ATP7B: variants seen among roughly 807,000 people sequenced by gnomAD.
ATP7B encodes ATPase copper transporting beta.
Under a neutral mutation model 118.9 loss-of-function variants are expected in ATP7B, and 113 were observed. That is an observed-to-expected ratio of 0.95 (90% CI 0.82 to 1.11). ATP7B has a LOEUF of 1.11. Among genes scored for constraint, ATP7B ranks in the 50% most tolerant of loss-of-function variants. ATP7B has a pLI of 0.00. For missense variants in ATP7B, 1,867 were observed against 1,871.4 expected (o/e 1.00, Z 0.04); for synonymous variants, 777 against 727.4 (o/e 1.07, Z -1.10).
At chr13:51,973,862 C>T (rs966534379) in intron 2 of ATP7B, 73 bp downstream of exon 2, 1 of 1,605,972 alleles carries the variant, frequency 6.2e-7, no homozygotes, top group Non-Finnish European at 8.5e-7. Flanking sequence ...TCACCTATAC[C>T]ACCATCCAGG....
At chr13:51,945,815 G>C (rs974770927) in intron 13 of ATP7B, among the ~76,000 whole-genome samples, 1 of 152,180 alleles carries the variant, frequency 6.6e-6, no homozygotes, top group Non-Finnish European at 1.5e-5. Context: ...CCAGAGGTTA[G>C]TAAGTTGGGC....
At chr13:51,966,669 G>A (rs1401037025) in intron 4 of ATP7B, 4 of 1,236,402 alleles carry the variant, frequency 3.2e-6, no homozygotes, top group Non-Finnish European at 4.6e-6. Context: ...TTTAAAAAAA[G>A]AACACTACAG....
At chr13:51,967,027 C>T in intron 4 of ATP7B, 2 of 1,611,756 alleles carry the variant, frequency 1.2e-6, no homozygotes, top group Admixed American at 3.3e-5. Context: ...TGCATTGGTT[C>T]AGCATCAGGA....
chr13:51,942,538 G>T lies in ATP7B; in HGVS notation c.3260C>A (p.Thr1087Asn). The change falls in exon 15 of 21, where the codon ACC becomes AAC. Residue 1087 changes from threonine to asparagine, a missense_variant. By Grantham distance (65) the Thr-to-Asn change is moderately conservative. Coordinates refer to ENST00000242839, the MANE Select transcript of ATP7B (RefSeq NM_000053.4). ...KYCKEELGTE[T>N]LGYCTDFQAV... ...CTGGAAGTCCGTGCAGTATCCCAAG[G>T]TCTCTGTTCCAAGTTCCTGGGAAGG... The T allele has an allele frequency of 1.1e-5, 17 of 1,614,136 alleles. No individual in the cohort carries two copies. Among genetic ancestry groups the T allele is most frequent in the Non-Finnish European group, 1.4e-5 (16 of 1,180,030 alleles).
At chr13:51,971,253 G>A (rs1780941344) in intron 2 of ATP7B, among the ~76,000 whole-genome samples, 1 of 152,164 alleles carries the variant, frequency 6.6e-6, no homozygotes, top group South Asian at 2.1e-4. Context: ...TTGATTCTCA[G>A]ACAAACAACA....
chr13:51,966,641 T>C (rs768691896), intron 4 of ATP7B: 154 of 931,834 alleles, frequency 1.7e-4, no homozygotes, highest in Non-Finnish European at 2.2e-4. Context: ...AATGCAACTA[T>C]TGATACAGCA....
At position 51,974,413 on chromosome 13, in the gene ATP7B, C is replaced by G; in HGVS notation, c.807G>C (p.Lys269Asn). Residue 269 changes from lysine (K) to asparagine (N), a missense_variant, in exon 2 of 21, where the codon AAG becomes AAC. Coordinates refer to ENST00000242839, the MANE Select transcript of ATP7B (RefSeq NM_000053.4). ...LQLRIDGMHC[K>N]SCVLNIEENI... Reference sequence around the variant, plus strand: ...TTTCTTCAATATTCAAGACGCAAGACTTACAATGCATTCCATCTATTCTCA... The same window carrying G: ...TTTCTTCAATATTCAAGACGCAAGAGTTACAATGCATTCCATCTATTCTCA... 6.2e-7 allele frequency: 1 copy of G among 1,614,014 alleles called. No individual in the cohort carries two copies. The highest frequency in any genetic ancestry group is 8.5e-7 in the Non-Finnish European group (1 of 1,180,024).
upstream of ATP7B, chr13:52,011,585 C>G (rs1954040421): frequency 1.6e-6 from 1 of 610,828 alleles, no homozygotes; most frequent in African/African-American, 1.8e-5. Flanking sequence ...CCTGGGGGCA[C>G]GGGGATGAGA....
intron 1 of ATP7B, among the ~76,000 whole-genome samples, chr13:52,010,714 T>A (rs1295620071): frequency 4.6e-5 from 7 of 152,242 alleles, no homozygotes; most frequent in African/African-American, 1.7e-4. Context: ...CTGTATCAAC[T>A]CAACACTGTG....
At chr13:51,987,084 G>T (rs1009191323) in intron 1 of ATP7B, among the ~76,000 whole-genome samples, 15 of 152,178 alleles carry the variant, frequency 9.9e-5, no homozygotes, top group Non-Finnish European at 2.1e-4. Flanking sequence ...TCAGGCAAGA[G>T]AAAGAAATAA....
chr13:51,992,263 A>G lies in ATP7B; in HGVS notation c.52-17095T>C, dbSNP rs1460260455. Among the ~76,000 whole-genome samples, 5 of 152,222 alleles carry G rather than the reference A, an allele frequency of 3.3e-5. No homozygotes were observed. The South Asian group carries it at 8.3e-4, about 25-fold the overall frequency. ...CCACCTAAAAGCTAACTTTCCATTC[A>G]CTATGAATTAGCAGTTTTCCAATAC... On this transcript the variant is annotated intron_variant, in intron 1 of 20. Coordinates refer to ENST00000242839, the MANE Select transcript of ATP7B (RefSeq NM_000053.4).
At chr13:51,987,074 T>C (rs1346402427) in intron 1 of ATP7B, among the ~76,000 whole-genome samples, 3 of 152,164 alleles carry the variant, frequency 2.0e-5, no homozygotes, top group South Asian at 4.1e-4. Flanking sequence ...GCCAGGGCAA[T>C]CAGGCAAGAG....
intron 1 of ATP7B, among the ~76,000 whole-genome samples, chr13:51,975,946 G>A (rs938351471): frequency 2.0e-5 from 3 of 152,234 alleles, no homozygotes; most frequent in African/African-American, 2.4e-5. Flanking sequence ...CCTCCTGGGT[G>A]TTCAGGAGAG....
intron 1 of ATP7B, among the ~76,000 whole-genome samples, chr13:51,985,289 T>C (rs1952602525): frequency 6.6e-6 from 1 of 152,098 alleles, no homozygotes. Flanking sequence ...TAAAACAGAC[T>C]TTAAACCAAA....
In ATP7B at chr13:51,942,572, G is replaced by C. The variant is rs771153027; in HGVS notation, c.3244-18C>G. 2 of 1,613,834 alleles carry C rather than the reference G, an allele frequency of 1.2e-6. No homozygotes were observed. Among genetic ancestry groups the C allele is most frequent in the Non-Finnish European group, 1.7e-6 (2 of 1,179,996 alleles). ...CCAAGTTCCTGGGAAGGTGGAAAGAGAGGAAGAGGAAACTGTAAGCCAAGA... is the reference window on the plus strand; with the variant it reads ...CCAAGTTCCTGGGAAGGTGGAAAGACAGGAAGAGGAAACTGTAAGCCAAGA... On this transcript the variant is annotated intron_variant, in intron 14 of 20. Coordinates refer to ENST00000242839, the MANE Select transcript of ATP7B (RefSeq NM_000053.4).
intron 6 of ATP7B, among the ~76,000 whole-genome samples, chr13:51,960,670 A>G (rs1055881456): frequency 1.3e-5 from 2 of 152,230 alleles, no homozygotes; most frequent in African/African-American, 4.8e-5. Context: ...GGTTGCCTAT[A>G]GCTTTCTTTT....
intron 9 of ATP7B, among the ~76,000 whole-genome samples, chr13:51,954,492 A>G (rs1958211173): frequency 6.6e-6 from 1 of 152,242 alleles, no homozygotes; most frequent in Non-Finnish European, 1.5e-5. Context: ...AATGGCTGCA[A>G]GCAGTATGAA....
At chr13:52,008,515 C>A (rs1483299933) in intron 1 of ATP7B, among the ~76,000 whole-genome samples, 2 of 152,084 alleles carry the variant, frequency 1.3e-5, no homozygotes, top group Non-Finnish European at 2.9e-5. Flanking sequence ...CTGAAGCTAT[C>A]TAGGGGCCTA....
chr13:51,960,219 G>A lies in ATP7B; in HGVS notation c.2050C>T (p.Leu684=). 6.2e-7 allele frequency: 1 copy of A among 1,613,982 alleles called. No individual in the cohort carries two copies. The highest frequency in any genetic ancestry group is 8.5e-7 in the Non-Finnish European group (1 of 1,179,848). The change falls in exon 7 of 21, where the codon CTG becomes TTG. Residue 684 remains leucine (L), a synonymous_variant. Coordinates refer to ENST00000242839, the MANE Select transcript of ATP7B (RefSeq NM_000053.4). ...PSNEPHQSMV[L]DHNIIPGLSI... is the part of the protein sequence containing the mutation. The stretch of plus-strand genomic sequence containing the variant: ...AGTCCTGGAATGATGTTGTGGTCCA[G>A]GACCATGGACTGGTGGGGCTCGTTG...
Sources: gnomAD v4.1 joint callset for allele counts (sites outside exome capture counted in the v4.1 genomes callset) on GRCh38, gnomAD v4.1.1 for gene constraint, MANE v1.5 for transcripts, NCBI Gene and HGNC (gene_info 2026-07-23, HGNC 2026-07-21) for gene names.